CYP2S1: variants seen among roughly 807,000 people sequenced by gnomAD.
CYP2S1 encodes the protein cytochrome P450 2S1.
Under a neutral mutation model 43.5 loss-of-function variants are expected in CYP2S1, and 32 were observed. The ratio of observed to expected loss-of-function variants is 0.74; its 90% CI spans 0.56 to 0.99. The LOEUF (loss-of-function observed/expected upper bound fraction) is 0.99. Among genes scored for constraint, CYP2S1 ranks in the 50% least tolerant of loss-of-function variants. The probability of loss-of-function intolerance (pLI) is 0.00; values close to 1 mark genes in which losing one functional copy is unlikely to be tolerated. For synonymous variants in CYP2S1, 283 were observed against 302.9 expected (o/e 0.93, Z 0.68); for missense variants, 575 against 673.9 (o/e 0.85, Z 1.62).
At chr19:41,196,086 G>C (rs531321060) in intron 2 of CYP2S1, among the ~76,000 whole-genome samples, 1 of 152,022 alleles carries the variant, frequency 6.6e-6, no homozygotes, top group Non-Finnish European at 1.5e-5. Context: ...GCATATGTAC[G>C]AGGGTAAAGA....
intron 5 of CYP2S1, 64 bp from the exon 6 acceptor site, chr19:41,201,167 C>A: frequency 1.3e-6 from 2 of 1,562,054 alleles, no homozygotes; most frequent in South Asian, 1.2e-5. Flanking sequence ...CCAGGCTTGG[C>A]TGTTCTGGAC....
At chr19:41,205,398 TTCTC>T (rs1271596316) in intron 7 of CYP2S1, among the ~76,000 whole-genome samples, 5 of 78,080 alleles carry the variant, frequency 6.4e-5, no homozygotes, top group South Asian at 4.0e-4. Context: ...CTCTCTTTCT[TTCTC>T]TCTTTCTTTC....
intron 2 of CYP2S1, among the ~76,000 whole-genome samples, chr19:41,196,860 T>TGGAA (rs1049054303): frequency 3.3e-5 from 5 of 152,042 alleles, no homozygotes; most frequent in Admixed American, 2.0e-4. Flanking sequence ...GATGGGTGGA[T>TGGAA]GGAAGGAAGG....
chr19:41,201,076 C>CA (rs951449900), intron 5 of CYP2S1, among the ~76,000 whole-genome samples, 155 bp from the exon 6 acceptor site: 37 of 144,634 alleles, frequency 2.6e-4, no homozygotes, highest in South Asian at 1.1e-3. Context: ...GACTCTGTCT[C>CA]AAAAAAAAAA....
intron 7 of CYP2S1, 77 bp downstream of exon 7, chr19:41,203,714 C>G (rs1460303404): frequency 7.2e-7 from 1 of 1,379,436 alleles, no homozygotes; most frequent in Non-Finnish European, 9.5e-7. Context: ...TCAGTGTCTC[C>G]CTGACTTTTT....
chr19:41,206,148 G>A, intron 8 of CYP2S1, 49 bp downstream of exon 8: 1 of 1,609,644 alleles, frequency 6.2e-7, no homozygotes, highest in Non-Finnish European at 8.5e-7. Context: ...GCGAACTCCA[G>A]GCATCTGTGC....
At chr19:41,195,542 G>A (rs1303901312) in intron 2 of CYP2S1, among the ~76,000 whole-genome samples, 1 of 152,024 alleles carries the variant, frequency 6.6e-6, no homozygotes, top group Non-Finnish European at 1.5e-5. Context: ...AGGGCAAGAG[G>A]GGTCAGGGCC....
intron 1 of CYP2S1, 86 bp from the exon 2 acceptor site, chr19:41,194,458 G>GT: frequency 6.9e-7 from 1 of 1,453,692 alleles, no homozygotes; most frequent in Non-Finnish European, 9.1e-7. Context: ...AGACCCGGTG[G>GT]CTCCTCAAGT....
chr19:41,204,901 C>T (rs1316931605), intron 7 of CYP2S1, among the ~76,000 whole-genome samples: 3 of 152,022 alleles, frequency 2.0e-5, no homozygotes, highest in East Asian at 1.9e-4. Flanking sequence ...TGGCCTACCC[C>T]CTCCTGTTTT....
Position 41,207,023 on chromosome 19 carries a change from AGC to A in CYP2S1, c.*536_*537del. 8.8e-6 allele frequency: 3 copies of A among 342,312 alleles called. No individual in the cohort carries two copies. The highest frequency in any genetic ancestry group is 2.2e-5 in the South Asian group (1 of 44,688). The allele number at this position is 342,312 out of a possible 1,614,324, so 21.2% of individuals were successfully genotyped here. ...CCTCTCTTGGCTACACCACTCTCCCAGCCTGTGACCACCGATGTCCACACACC... is the reference window on the plus strand; with the variant it reads ...CCTCTCTTGGCTACACCACTCTCCCACTGTGACCACCGATGTCCACACACC... On this transcript the variant is annotated 3_prime_UTR_variant, in exon 9 of 9. Transcript: ENST00000310054.
At position 41,198,369 on chromosome 19, in the gene CYP2S1, C is replaced by A; in HGVS notation, c.494-93C>A. The A allele has an allele frequency of 6.6e-7, 1 of 1,514,398 alleles. No homozygotes were observed. The highest frequency in any genetic ancestry group is 9.0e-7 in the Non-Finnish European group (1 of 1,115,270). 93.8% of individuals were successfully genotyped at this position (1,514,398 alleles called of 1,614,324 possible). On this transcript the variant is annotated intron_variant, in intron 3 of 8. Transcript: ENST00000310054. The surrounding 1 kb of genome is among the most constrained non-coding windows in gnomAD (Gnocchi z 4.9). ...TGCGCTGTCCATCCATCTTTCCCTG[C>A]CTCCCTGTCTCTCTCTGGTTGGGTT...
chr19:41,201,794 G>A (rs567807607), intron 6 of CYP2S1, among the ~76,000 whole-genome samples: 1 of 151,812 alleles, frequency 6.6e-6, no homozygotes, highest in African/African-American at 2.4e-5. Flanking sequence ...TGGGCATGGC[G>A]TTTGAGATGT....
rs567399913 is a variant in CYP2S1 at position 41,194,432 on chromosome 19, A to G, written c.178-112A>G. The G allele has an allele frequency of 3.7e-6, 5 of 1,359,774 alleles. No homozygotes were observed. In the East Asian group the frequency reaches 1.4e-4, roughly 37 times the overall value. The allele number at this position is 1,359,774 out of a possible 1,614,324, so 84.2% of individuals were successfully genotyped here. On this transcript the variant is annotated intron_variant, in intron 1 of 8. Coordinates refer to ENST00000310054, the MANE Select transcript of CYP2S1 (RefSeq NM_030622.8). ...GCTGGGATGGGGGCAGGTTCCTGGT[A>G]GAGGGCGTAGAAGCTAGACCCGGTG...
rs763179944 is a variant in CYP2S1 at position 41,194,634 on chromosome 19, G to A, written c.268G>A (p.Ala90Thr). The A allele has an allele frequency of 1.2e-6, 2 of 1,612,488 alleles. No individual in the cohort carries two copies. Among genetic ancestry groups the A allele is most frequent in the African/African-American group, 1.3e-5 (1 of 74,856 alleles). The change falls in exon 2 of 9, where the codon GCC becomes ACC. Residue 90 changes from alanine to threonine, a missense_variant. By Grantham distance (58) the Ala-to-Thr change is moderately conservative. This residue lies in a region of CYP2S1 where 353 missense variants were observed against 367.6 expected (regional missense o/e 0.96). Coordinates refer to ENST00000310054, the MANE Select transcript of CYP2S1 (RefSeq NM_030622.8). ...VLVGQEAVRE[A>T]LGGQAEEFSG... The stretch of plus-strand genomic sequence containing the variant: ...GGTTGGGCAGGAGGCTGTGCGGGAG[G>A]CCCTGGGAGGTCAGGCTGAGGAGTT...
chr19:41,196,416 A>G (rs2033413463), intron 2 of CYP2S1, among the ~76,000 whole-genome samples: 1 of 152,148 alleles, frequency 6.6e-6, no homozygotes, highest in Non-Finnish European at 1.5e-5. Context: ...AGCTGTATTC[A>G]GAGTTGGGAA....
At chr19:41,194,480 T>C in intron 1 of CYP2S1, 64 bp from the exon 2 acceptor site, 1 of 1,486,306 alleles carries the variant, frequency 6.7e-7, no homozygotes. Flanking sequence ...ACAGGGGCCA[T>C]GATGGAGACA....
At position 41,194,556 on chromosome 19, in the gene CYP2S1, T is replaced by C. The variant is rs1446213144; in HGVS notation, c.190T>C (p.Tyr64His). 1.3e-6 allele frequency: 2 copies of C among 1,595,772 alleles called. No individual in the cohort carries two copies. Among genetic ancestry groups the C allele is most frequent in the African/African-American group, 1.4e-5 (1 of 73,840 alleles). ...TCCCTACCCCCAGCTGAGTAAGAAG[T>C]ACGGACCGGTGTTCACCATCTACCT... is the stretch of plus-strand genomic sequence containing the variant. ...YSGLMRLSKK[Y>H]GPVFTIYLGP... is the part of the protein sequence containing the mutation. The change falls in exon 2 of 9, where the codon TAC becomes CAC. Residue 64 changes from tyrosine to histidine, a missense_variant. Physicochemically the swap from Tyr to His is moderately conservative, Grantham distance 83 (BLOSUM62 2). This residue lies in a region of CYP2S1 where 353 missense variants were observed against 367.6 expected (regional missense o/e 0.96). Coordinates refer to ENST00000310054, the MANE Select transcript of CYP2S1 (RefSeq NM_030622.8).
chr19:41,207,059 C>G lies in CYP2S1; in HGVS notation c.*571C>G. ...ACCGATGTCCACACACCCCCAACCACTTGTCCACACAGCTACCCACGTACG... is the reference window on the plus strand; with the variant it reads ...ACCGATGTCCACACACCCCCAACCAGTTGTCCACACAGCTACCCACGTACG... On this transcript the variant is annotated 3_prime_UTR_variant, in exon 9 of 9. Transcript: ENST00000310054. 3 of 344,298 alleles carry G rather than the reference C, an allele frequency of 8.7e-6. No individual in the cohort carries two copies. Among genetic ancestry groups the G allele is most frequent in the Non-Finnish European group, 1.7e-5 (3 of 174,070 alleles). The allele number at this position is 344,298 out of a possible 1,614,324, so 21.3% of individuals were successfully genotyped here.
intron 5 of CYP2S1, among the ~76,000 whole-genome samples, chr19:41,199,425 G>A (rs1483147577): frequency 6.6e-6 from 1 of 151,510 alleles, no homozygotes. Context: ...CTGTTGCCCA[G>A]GCTAGAGTAC....
Sources: gnomAD v4.1 joint callset for allele counts (sites outside exome capture counted in the v4.1 genomes callset) on GRCh38, gnomAD v4.1.1 for gene constraint, gnomAD v4.1.1 regional missense constraint, Gnocchi (gnomAD v3.1) non-coding constraint, MANE v1.5 for transcripts, NCBI Gene and HGNC (gene_info 2026-07-23, HGNC 2026-07-21) for gene names.